Variants in ERGIC3 observed in about 807,000 individuals in gnomAD.
The protein encoded by ERGIC3 is ERGIC and golgi 3, also known as endoplasmic reticulum-Golgi intermediate compartment protein 3.
Under a neutral mutation model 54.7 loss-of-function variants are expected in ERGIC3, and 33 were observed. The ratio of observed to expected loss-of-function variants is 0.60; its 90% CI spans 0.46 to 0.81. The LOEUF is 0.81. ERGIC3 is among the 30% of genes least tolerant of loss of function. The probability of loss-of-function intolerance (pLI) is 0.00; values close to 1 mark genes in which losing one functional copy is unlikely to be tolerated. For missense variants in ERGIC3, 399 were observed against 488.4 expected (o/e 0.82, Z 1.73); for synonymous variants, 186 against 189.8 (o/e 0.98, Z 0.16).
chr20:35,547,681 A>G (rs1383523017), intron 5 of ERGIC3, among the ~76,000 whole-genome samples, 176 bp downstream of exon 5: 1 of 152,152 alleles, frequency 6.6e-6, no homozygotes, highest in Non-Finnish European at 1.5e-5. Context: ...ACCAGGCCCT[A>G]TCTGGGAGCT....
Position 35,542,537 on chromosome 20 carries a change from AAGTCGCGGGG to A in ERGIC3, c.187_196del (p.Ser63IlefsTer3). The A allele has an allele frequency of 3.7e-6, 6 of 1,613,956 alleles. No homozygotes were observed. The highest frequency in any genetic ancestry group is 3.4e-6 in the Non-Finnish European group (4 of 1,180,004). On this transcript the variant is annotated frameshift_variant, in exon 3 of 13. Transcript: ENST00000348547. LOFTEE classifies it high-confidence loss of function. ...GGTGCATCCTGAGCTCTACGTGGACAAGTCGCGGGGAGATAAACTGAAGATCAACATCGAT... is the reference window on the plus strand; with the variant it reads ...GGTGCATCCTGAGCTCTACGTGGACAAGATAAACTGAAGATCAACATCGAT...
chr20:35,554,711 A>G, intron 7 of ERGIC3: 1 of 588,572 alleles, frequency 1.7e-6, no homozygotes, highest in South Asian at 2.1e-5. Flanking sequence ...GTGATTTGCC[A>G]TCAGCTCTAG....
chr20:35,545,548 CAA>C (rs2064644361), intron 4 of ERGIC3: 1 of 151,992 alleles, frequency 6.6e-6, no homozygotes, highest in Admixed American at 6.6e-5. Flanking sequence ...GCTTAGGCAA[CAA>C]GAGTGAAACT....
At chr20:35,552,512 A>G (rs534167273) in intron 7 of ERGIC3, among the ~76,000 whole-genome samples, 1 of 152,320 alleles carries the variant, frequency 6.6e-6, no homozygotes, top group South Asian at 2.1e-4. Context: ...GAGGGAGTCA[A>G]ATATGTAAAG....
intron 7 of ERGIC3, among the ~76,000 whole-genome samples, chr20:35,550,000 G>T (rs1363056998): frequency 1.3e-5 from 2 of 151,964 alleles, no homozygotes; most frequent in Non-Finnish European, 2.9e-5. Context: ...AGGTCAGGGA[G>T]CATCTGTATA....
intron 8 of ERGIC3, among the ~76,000 whole-genome samples, chr20:35,555,348 G>A (rs1196082688): frequency 1.3e-5 from 2 of 152,274 alleles, no homozygotes; most frequent in Non-Finnish European, 2.9e-5. Flanking sequence ...CTAAGGAACT[G>A]CGGGGCAGGT....
Position 35,557,530 on chromosome 20 carries a change from C to A in ERGIC3, c.*26C>A. The A allele has an allele frequency of 6.2e-7, 1 of 1,604,202 alleles. No homozygotes were observed. The highest frequency in any genetic ancestry group is 8.5e-7 in the Non-Finnish European group (1 of 1,171,410). ...TCACCCTCGGTGCTTCCTCTGTCTC[C>A]TCTTTCTCCCTGGCCTGTGGTTGTC... On this transcript the variant is annotated 3_prime_UTR_variant, in exon 13 of 13. Transcript: ENST00000348547.
intron 4 of ERGIC3, chr20:35,543,536 T>C (rs2064628974): frequency 4.3e-6 from 2 of 459,812 alleles, no homozygotes; most frequent in Admixed American, 4.9e-5. Flanking sequence ...TCCTTTATCT[T>C]GGTGGCTTCC....
At position 35,557,038 on chromosome 20, in the gene ERGIC3, C is replaced by T; in HGVS notation, c.945C>T (p.Asp315=). 6.2e-7 allele frequency: 1 copy of T among 1,614,238 alleles called. No homozygotes were observed. The highest frequency in any genetic ancestry group is 8.5e-7 in the Non-Finnish European group (1 of 1,180,030). ...HEKVANGLLG[D]QGLPGVFVLY... ...AGGTTGCCAATGGGCTGTTGGGCGACCAAGGCCTTCCCGGAGTCTTCGTCC... is the reference window on the plus strand; with the variant it reads ...AGGTTGCCAATGGGCTGTTGGGCGATCAAGGCCTTCCCGGAGTCTTCGTCC... Residue 315 remains aspartate, a synonymous_variant, in exon 11 of 13, where the codon GAC becomes GAT. Transcript: ENST00000348547.
intron 12 of ERGIC3, 47 bp downstream of exon 12, chr20:35,557,296 G>GC: frequency 6.2e-7 from 1 of 1,613,560 alleles, no homozygotes; most frequent in Non-Finnish European, 8.5e-7. Flanking sequence ...GGAGGGTAAA[G>GC]CCTGGGTGCC....
chr20:35,556,710 G>T, intron 10 of ERGIC3: 1 of 560,370 alleles, frequency 1.8e-6, no homozygotes, highest in Non-Finnish European at 3.2e-6. Flanking sequence ...TCTCAGCCTG[G>T]ACCCCCGTGA....
rs543824492 is a variant in ERGIC3, at chr20:35,557,002, C to T, written c.909C>T (p.Thr303=). 120 of 1,614,230 alleles carry T rather than the reference C, an allele frequency of 7.4e-5. 1 individual carries two copies. In the South Asian group the frequency reaches 1.3e-3, roughly 17 times the overall value. ...TGAGGACAAATCAGTTCTCTGTGAC[C>T]AGACATGAGAAGGTTGCCAATGGGC... ...EVLRTNQFSV[T]RHEKVANGLL... The change falls in exon 11 of 13, where the codon ACC becomes ACT. Residue 303 remains threonine, a synonymous_variant. Transcript: ENST00000348547.
chr20:35,556,904 G>A (rs1191308194), intron 10 of ERGIC3, 69 bp from the exon 11 acceptor site: 4 of 1,603,382 alleles, frequency 2.5e-6, no homozygotes, highest in Non-Finnish European at 3.4e-6. Context: ...AAGGAGCAGG[G>A]GTGGGGCTGA....
intron 7 of ERGIC3, among the ~76,000 whole-genome samples, chr20:35,553,897 A>G (rs1348258467): frequency 6.6e-6 from 1 of 152,158 alleles, no homozygotes; most frequent in African/African-American, 2.4e-5. Flanking sequence ...ATTTGGAAGG[A>G]TGTATAAATG....
chr20:35,543,571 C>T, intron 4 of ERGIC3: 1 of 470,210 alleles, frequency 2.1e-6, no homozygotes, highest in Non-Finnish European at 4.4e-6. Context: ...AACTCAGTTT[C>T]CCACCACAGC....
Position 35,548,547 on chromosome 20 carries a change from G to A in ERGIC3, c.500G>A (p.Arg167His), listed in dbSNP as rs751656462. Residue 167 changes from arginine (R) to histidine (H), a missense_variant, in exon 6 of 13, where the codon CGC becomes CAC. Coordinates refer to ENST00000348547, the MANE Select transcript of ERGIC3 (RefSeq NM_015966.3). Reference sequence around the variant, plus strand: ...TGTGAAGATGTGCGGGAGGCATATCGCCGTAGAGGCTGGGCCTTCAAGAAC... The same window carrying A: ...TGTGAAGATGTGCGGGAGGCATATCACCGTAGAGGCTGGGCCTTCAAGAAC... ...NTCEDVREAY[R>H]RRGWAFKNPD... 8.1e-6 allele frequency: 13 copies of A among 1,614,080 alleles called. No individual in the cohort carries two copies. Among genetic ancestry groups the A allele is most frequent in the Non-Finnish European group, 1.0e-5 (12 of 1,180,056 alleles).
intron 7 of ERGIC3, among the ~76,000 whole-genome samples, chr20:35,553,673 T>G (rs1427482493): frequency 6.6e-6 from 1 of 151,652 alleles, no homozygotes; most frequent in Non-Finnish European, 1.5e-5. Context: ...GAGGGGCCAG[T>G]GTGGGGGCTG....
At chr20:35,542,433 T>C in intron 2 of ERGIC3, 40 bp downstream of exon 2, 4 of 1,613,850 alleles carry the variant, frequency 2.5e-6, no homozygotes, top group Non-Finnish European at 3.4e-6. Context: ...GGCTTGGCAT[T>C]CTAGGAGTAG....
At chr20:35,550,184 C>A (rs974473530) in intron 7 of ERGIC3, among the ~76,000 whole-genome samples, 28 of 151,828 alleles carry the variant, frequency 1.8e-4, no homozygotes, top group African/African-American at 6.3e-4. Flanking sequence ...AGGGAGCCAG[C>A]CATGTGGATG....
Sources: gnomAD v4.1 joint callset for allele counts (sites outside exome capture counted in the v4.1 genomes callset) on GRCh38, gnomAD v4.1.1 for gene constraint, MANE v1.5 for transcripts, NCBI Gene and HGNC (gene_info 2026-07-23, HGNC 2026-07-21) for gene names.